Variants in JAKMIP1 observed in about 807,000 individuals in gnomAD.
JAKMIP1 encodes the protein janus kinase and microtubule interacting protein 1.
A neutral mutation model predicts 113.0 loss-of-function variants in JAKMIP1; 33 were observed. The observed-to-expected ratio is 0.29, with a 90% CI of 0.22 to 0.39. The LOEUF (loss-of-function observed/expected upper bound fraction) is 0.39, where lower values mean the gene tolerates loss of function less well. Ranked by LOEUF, JAKMIP1 falls within the 10% of genes least tolerant of loss-of-function variation. The pLI, the probability that JAKMIP1 is intolerant of heterozygous loss-of-function variation, is 1.00. For missense variants in JAKMIP1, 813 were observed against 1,080.5 expected, an observed-to-expected ratio of 0.75 and a Z score of 3.47; for synonymous variants, 480 against 459.9, an observed-to-expected ratio of 1.04 and a Z score of -0.56.
intron 8 of JAKMIP1, among the ~76,000 whole-genome samples, chr4:6,078,313 TAA>T (rs1270876048): frequency 1.1e-5 from 1 of 93,572 alleles, no homozygotes. Flanking sequence ...AGACTCTGTC[TAA>T]AAAAAAAAAA....
In JAKMIP1 at chr4:6,064,383, G is replaced by A. The variant is rs920443347; in HGVS notation, c.1431+497C>T. On this transcript the variant is annotated intron_variant, in intron 9 of 20. Transcript: ENST00000409021. This position sits in a 1 kb window ranked among gnomAD's most constrained non-coding sequence, Gnocchi z 4.3. ...ACAGGTGGTCAGGACAGGGTGAGGC[G>A]GTGACCTTGGGGTGATGGGACTTCA... is the stretch of plus-strand genomic sequence containing the variant. 2.0e-5 allele frequency among the ~76,000 whole-genome samples: 3 copies of A among 152,156 alleles called. No homozygotes were observed. The highest frequency in any genetic ancestry group is 7.2e-5 in the African/African-American group (3 of 41,436).
chr4:6,056,600 C>T (rs1476694139), intron 12 of JAKMIP1, 97 bp downstream of exon 12: 19 of 887,298 alleles, frequency 2.1e-5, no homozygotes, highest in Non-Finnish European at 3.8e-6. Flanking sequence ...CACTGGAGTG[C>T]CCAAATGGCG....
At position 6,050,532 on chromosome 4, in the gene JAKMIP1, G is replaced by A. The variant is rs1294362943; in HGVS notation, c.1908+46C>T. ...TTTGCAGCTGAGCCGGGCACTGAGC[G>A]AGCCCTTGGCTGGCATTCAGCAGAG... On this transcript the variant is annotated intron_variant, in intron 14 of 20. Transcript: ENST00000409021. The surrounding 1 kb of genome is among the most constrained non-coding windows in gnomAD (Gnocchi z 7.4). The A allele has an allele frequency of 8.7e-6, 12 of 1,374,812 alleles. No homozygotes were observed. The highest frequency in any genetic ancestry group is 8.0e-5 in the Admixed American group (4 of 50,076). 85.2% of individuals were successfully genotyped at this position (1,374,812 alleles called of 1,614,324 possible).
rs1722067324 is a variant in JAKMIP1, at chr4:6,155,077, G to T, written c.-147-42080C>A. On this transcript the variant is annotated intron_variant, in intron 1 of 20. Coordinates refer to ENST00000409021, the MANE Select transcript of JAKMIP1 (RefSeq NM_001099433.2). The surrounding 1 kb of genome is among the most constrained non-coding windows in gnomAD (Gnocchi z 6.1). Reference sequence around the variant, plus strand: ...CAGTCGGGAGATGCCAGCCCAGCCTGCTGGGAAGATACTTCTGGTGACAGT... The same window carrying T: ...CAGTCGGGAGATGCCAGCCCAGCCTTCTGGGAAGATACTTCTGGTGACAGT... Among the ~76,000 whole-genome samples, 1 of 152,290 alleles carries T rather than the reference G, an allele frequency of 6.6e-6. No homozygotes were observed.
intron 3 of JAKMIP1, among the ~76,000 whole-genome samples, chr4:6,104,799 C>T (rs1216264275): frequency 2.0e-5 from 3 of 152,188 alleles, no homozygotes; most frequent in Admixed American, 6.5e-5. Context: ...CCCCTTCACT[C>T]CAGGACTCAG....
chr4:6,179,968 G>C lies in JAKMIP1; in HGVS notation c.-148+20285C>G, dbSNP rs1310126064. Among the ~76,000 whole-genome samples the C allele has an allele frequency of 6.6e-6, 1 of 152,134 alleles. No homozygotes were observed. The highest frequency in any genetic ancestry group is 2.4e-5 in the African/African-American group (1 of 41,414). ...CTGCCCAAAGAACTGTGTCTGTTTT[G>C]TTTTCTATCCCTAGGACCAGCAGCA... On this transcript the variant is annotated intron_variant, in intron 1 of 20. Transcript: ENST00000409021. The surrounding 1 kb of genome is among the most constrained non-coding windows in gnomAD (Gnocchi z 4.5).
rs138796414 is a variant in JAKMIP1 at position 6,180,033 on chromosome 4, A to T, written c.-148+20220T>A. ...TTAGAAGCCATGCAAGAACATTTGC[A>T]GGGATAAACAGCAGGCTCCTTCCTG... On this transcript the variant is annotated intron_variant, in intron 1 of 20. Coordinates refer to ENST00000409021, the MANE Select transcript of JAKMIP1 (RefSeq NM_001099433.2). This position sits in a 1 kb window ranked among gnomAD's most constrained non-coding sequence, Gnocchi z 4.5. 1.1e-4 allele frequency among the ~76,000 whole-genome samples: 17 copies of T among 152,324 alleles called. No individual in the cohort carries two copies. Among genetic ancestry groups the T allele is most frequent in the African/African-American group, 4.1e-4 (17 of 41,570 alleles).
rs1292522529 is a variant in JAKMIP1 at position 6,042,211 on chromosome 4, T to A, written c.2045A>T (p.Glu682Val). The A allele has an allele frequency of 6.2e-7, 1 of 1,613,792 alleles. No individual in the cohort carries two copies. The highest frequency in any genetic ancestry group is 2.2e-5 in the East Asian group (1 of 44,876). Residue 682 changes from glutamate to valine, a missense_variant, in exon 17 of 21, where the codon GAG becomes GTG. By Grantham distance (121) the Glu-to-Val change is moderately radical (BLOSUM62 -2). Transcript: ENST00000409021. The surrounding 1 kb of genome is among the most constrained non-coding windows in gnomAD (Gnocchi z 5.2). ...CTGGGTCAGGGCGGCCTCGGTCCCC[T>A]CTATTTGCTTCAGCCACTAGAAAAC... The part of the protein sequence containing the change: ...ALCEKWLKQI[E>V]GTEAALTQKM...
Position 6,175,766 on chromosome 4 carries a change from C to G in JAKMIP1, c.-148+24487G>C, listed in dbSNP as rs548061804. ...CTCGGCACCTGGAAAAGACAGGATT[C>G]AAAACTCAGACATTGTTTTCCAATT... is the stretch of plus-strand genomic sequence containing the variant. On this transcript the variant is annotated intron_variant, in intron 1 of 20. Coordinates refer to ENST00000409021, the MANE Select transcript of JAKMIP1 (RefSeq NM_001099433.2). Among the ~76,000 whole-genome samples the G allele has an allele frequency of 1.6e-4, 24 of 152,314 alleles. No individual in the cohort carries two copies. In the South Asian group the frequency reaches 4.6e-3, roughly 29 times the overall value.
intron 1 of JAKMIP1, among the ~76,000 whole-genome samples, chr4:6,118,142 T>G (rs1716115552): frequency 6.6e-6 from 1 of 152,244 alleles, no homozygotes; most frequent in African/African-American, 2.4e-5. Flanking sequence ...GTTTAGAGAC[T>G]GCAGTAAAGA....
chr4:6,033,268 G>C (rs1191426028), intron 19 of JAKMIP1, among the ~76,000 whole-genome samples: 1 of 152,214 alleles, frequency 6.6e-6, no homozygotes, highest in African/African-American at 2.4e-5. Flanking sequence ...AGCAAACTGG[G>C]AGACTGGGAG....
At position 6,065,003 on chromosome 4, in the gene JAKMIP1, A is replaced by C; in HGVS notation, c.1308T>G (p.His436Gln). 1 of 1,614,178 alleles carries C rather than the reference A, an allele frequency of 6.2e-7. No homozygotes were observed. Among genetic ancestry groups the C allele is most frequent in the Non-Finnish European group, 8.5e-7 (1 of 1,180,026 alleles). The stretch of plus-strand genomic sequence containing the variant: ...CAAATCCAAAAAATGTCTCCACAAC[A>C]TGCTTCTGTAAAACGCAATTTGTAT... Reference protein sequence around the residue: ...RGKSLKPPKKHVVETFFGFDE... With the variant: ...RGKSLKPPKKQVVETFFGFDE... Residue 436 changes from histidine (H) to glutamine (Q), a missense_variant, in exon 9 of 21, where the codon CAT becomes CAG. By Grantham distance (24) the His-to-Gln change is conservative (BLOSUM62 0). Around this residue, in one of 2 missense-constraint regions of JAKMIP1, gnomAD observed 540 missense variants for 653.9 expected, o/e 0.83. Transcript: ENST00000409021. The surrounding 1 kb of genome is among the most constrained non-coding windows in gnomAD (Gnocchi z 5.1).
At chr4:6,174,688 C>T (rs1015908047) in intron 1 of JAKMIP1, among the ~76,000 whole-genome samples, 4 of 152,128 alleles carry the variant, frequency 2.6e-5, no homozygotes, top group Middle Eastern at 3.2e-3. Context: ...AGCTAAAACA[C>T]GCTCCGTTAC....
chr4:6,188,779 C>T lies in JAKMIP1; in HGVS notation c.-148+11474G>A, dbSNP rs888021979. Among the ~76,000 whole-genome samples, 4 of 152,108 alleles carry T rather than the reference C, an allele frequency of 2.6e-5. No homozygotes were observed. Among genetic ancestry groups the T allele is most frequent in the Non-Finnish European group, 5.9e-5 (4 of 68,014 alleles). On this transcript the variant is annotated intron_variant, in intron 1 of 20. Transcript: ENST00000409021. The surrounding 1 kb of genome is among the most constrained non-coding windows in gnomAD (Gnocchi z 5.8). Reference sequence around the variant, plus strand: ...TTGCATTTGTCCCTATAGAAAAATCCGGGGCTCTGCAATACACAGGCTCTC... The same window carrying T: ...TTGCATTTGTCCCTATAGAAAAATCTGGGGCTCTGCAATACACAGGCTCTC...
At chr4:6,071,130 T>A (rs1329802543) in intron 8 of JAKMIP1, among the ~76,000 whole-genome samples, 1 of 152,250 alleles carries the variant, frequency 6.6e-6, no homozygotes. Flanking sequence ...CTTTGGAAGT[T>A]TCCATCAGAT....
intron 1 of JAKMIP1, among the ~76,000 whole-genome samples, chr4:6,190,916 G>A (rs919200062): frequency 3.9e-5 from 6 of 152,204 alleles, no homozygotes; most frequent in Non-Finnish European, 8.8e-5. Flanking sequence ...CAGAGAGGTT[G>A]CATCAAACAA....
chr4:6,170,662 C>A (rs1345763767), intron 1 of JAKMIP1, among the ~76,000 whole-genome samples: 3 of 149,240 alleles, frequency 2.0e-5, no homozygotes, highest in Admixed American at 2.0e-4. Flanking sequence ...CACCACCAAT[C>A]CCACCACCCT....
At chr4:6,054,715 C>A (rs900321909) in intron 12 of JAKMIP1, 2 of 456,400 alleles carry the variant, frequency 4.4e-6, no homozygotes, top group African/African-American at 4.0e-5. Context: ...CTGGGAGACG[C>A]TGGATCACTC....
At position 6,176,634 on chromosome 4, in the gene JAKMIP1, G is replaced by T. The variant is rs781015267; in HGVS notation, c.-148+23619C>A. On this transcript the variant is annotated intron_variant, in intron 1 of 20. Transcript: ENST00000409021. This position sits in a 1 kb window ranked among gnomAD's most constrained non-coding sequence, Gnocchi z 5.5. ...CCATGTTTACAAATGGGGAAACTGA[G>T]GCTTGCAGTGGTAGAATGACTCACC... is the stretch of plus-strand genomic sequence containing the variant. 6.6e-6 allele frequency among the ~76,000 whole-genome samples: 1 copy of T among 152,156 alleles called. No homozygotes were observed. The highest frequency in any genetic ancestry group is 1.5e-5 in the Non-Finnish European group (1 of 68,026).
Sources: gnomAD v4.1 joint callset for allele counts (sites outside exome capture counted in the v4.1 genomes callset) on GRCh38, gnomAD v4.1.1 for gene constraint, gnomAD v4.1.1 regional missense constraint, Gnocchi (gnomAD v3.1) non-coding constraint, MANE v1.5 for transcripts, NCBI Gene and HGNC (gene_info 2026-07-23, HGNC 2026-07-21) for gene names.